The following AKT3 variants were observed in gnomAD, a reference collection of about 807,000 sequenced individuals.
AKT3 encodes the protein AKT serine/threonine kinase 3.
Under a neutral mutation model 65.3 loss-of-function variants are expected in AKT3, and 15 were observed. The ratio of observed to expected loss-of-function variants is 0.23; its 90% CI spans 0.15 to 0.35. The LOEUF is 0.35. Among genes scored for constraint, AKT3 ranks in the 10% least tolerant of loss-of-function variants. AKT3 has a pLI of 1.00. For missense variants in AKT3, 243 were observed against 576.5 expected, an observed-to-expected ratio of 0.42 and a Z score of 5.92; for synonymous variants, 206 against 183.8, an observed-to-expected ratio of 1.12 and a Z score of -0.98.
intron 12 of AKT3, among the ~76,000 whole-genome samples, chr1:243,536,235 C>T (rs1421898232): frequency 6.6e-6 from 1 of 151,778 alleles, no homozygotes; most frequent in Non-Finnish European, 1.5e-5. Context: ...TTAATTAAGC[C>T]CCATTTATTT....
Position 243,695,734 on chromosome 1 carries a change from GCA to G in AKT3, c.47-20_47-19del, listed in dbSNP as rs1558729404. On this transcript the variant is annotated intron_variant, in intron 2 of 13. Transcript: ENST00000673466. ...ATATTCTCCTACATGAGGAAAGCAC[GCA>G]TGTTAATGCTGAAAAAAATGAACAG... The G allele has an allele frequency of 1.3e-6, 2 of 1,555,832 alleles. No homozygotes were observed. The highest frequency in any genetic ancestry group is 2.4e-5 in the South Asian group (2 of 81,686).
At chr1:243,708,028 T>A (rs2148065438) in intron 2 of AKT3, among the ~76,000 whole-genome samples, 1 of 152,194 alleles carries the variant, frequency 6.6e-6, no homozygotes, top group South Asian at 2.1e-4. Flanking sequence ...CTTCAAATAA[T>A]TTTGAATACT....
intron 3 of AKT3, among the ~76,000 whole-genome samples, chr1:243,677,954 G>A (rs1683642526): frequency 6.6e-6 from 1 of 152,036 alleles, no homozygotes; most frequent in Non-Finnish European, 1.5e-5. Flanking sequence ...TGGGCGTGGT[G>A]GCGGGTGCCT....
At chr1:243,683,654 C>T (rs1420952423) in intron 3 of AKT3, among the ~76,000 whole-genome samples, 1 of 151,260 alleles carries the variant, frequency 6.6e-6, no homozygotes, top group Non-Finnish European at 1.5e-5. Flanking sequence ...TTGAGTGAGA[C>T]AGAAAGGGGG....
intron 2 of AKT3, among the ~76,000 whole-genome samples, chr1:243,733,019 C>T (rs1687650929): frequency 6.6e-6 from 1 of 152,188 alleles, no homozygotes; most frequent in African/African-American, 2.4e-5. Context: ...GTTAGAAGTA[C>T]TTTGAAACCA....
chr1:243,583,195 T>TACAC (rs59711065), intron 8 of AKT3, among the ~76,000 whole-genome samples: 34,061 of 85,820 alleles, frequency 0.4, 6,950 homozygotes, highest in Middle Eastern at 0.51. Flanking sequence ...TATATATATA[T>TACAC]ACACACACAC....
chr1:243,807,746 C>T (rs1270137366), intron 2 of AKT3, among the ~76,000 whole-genome samples: 4 of 152,172 alleles, frequency 2.6e-5, no homozygotes, highest in African/African-American at 9.7e-5. Context: ...TCAAGTGGGT[C>T]CCTGACCCCC....
intron 2 of AKT3, among the ~76,000 whole-genome samples, chr1:243,742,512 C>G (rs773346706): frequency 6.6e-6 from 1 of 152,074 alleles, no homozygotes; most frequent in Non-Finnish European, 1.5e-5. Flanking sequence ...GTAATTCCAG[C>G]TACTTGGGAG....
intron 8 of AKT3, among the ~76,000 whole-genome samples, chr1:243,596,169 T>C (rs1291371127): frequency 6.6e-6 from 1 of 152,174 alleles, no homozygotes; most frequent in Non-Finnish European, 1.5e-5. Flanking sequence ...AGGAGAAAGA[T>C]GTGTGACCTG....
intron 9 of AKT3, 40 bp from the exon 10 acceptor site, chr1:243,563,888 T>C (rs746976574): frequency 1.1e-5 from 17 of 1,558,198 alleles, no homozygotes; most frequent in Non-Finnish European, 1.2e-5. Context: ...TTCTATAGTC[T>C]TCAACAACAT....
chr1:243,734,800 ACT>A (rs1471523277), intron 2 of AKT3, among the ~76,000 whole-genome samples: 4 of 152,242 alleles, frequency 2.6e-5, no homozygotes, highest in Admixed American at 6.5e-5. Flanking sequence ...TAGCTTTTTG[ACT>A]CTTGCAGTAA....
chr1:243,713,684 C>A (rs1432395300), intron 2 of AKT3, among the ~76,000 whole-genome samples: 1 of 131,794 alleles, frequency 7.6e-6, no homozygotes, highest in Non-Finnish European at 1.6e-5. Context: ...ATAATAACTT[C>A]TTTGTGCTTC....
chr1:243,809,876 AACTC>A, intron 2 of AKT3, among the ~76,000 whole-genome samples: 1 of 152,362 alleles, frequency 6.6e-6, no homozygotes, highest in Non-Finnish European at 1.5e-5. Flanking sequence ...AGGATTAAGA[AACTC>A]ACTCAAAATC....
intron 2 of AKT3, among the ~76,000 whole-genome samples, chr1:243,835,911 C>T (rs1694863540): frequency 6.6e-6 from 1 of 151,780 alleles, no homozygotes; most frequent in South Asian, 2.1e-4. Context: ...TAAAATAAGA[C>T]ACATAAATAA....
chr1:243,724,200 A>G (rs997933741), intron 2 of AKT3, among the ~76,000 whole-genome samples: 2 of 152,074 alleles, frequency 1.3e-5, no homozygotes, highest in Non-Finnish European at 2.9e-5. Flanking sequence ...AACACCAAAC[A>G]AACAAGATAA....
chr1:243,490,719 C>T (rs985915988), intron 13 of AKT3, among the ~76,000 whole-genome samples: 2 of 152,214 alleles, frequency 1.3e-5, no homozygotes, highest in African/African-American at 4.8e-5. Context: ...TCCTTTCTCC[C>T]TCATCTTCAG....
intron 2 of AKT3, among the ~76,000 whole-genome samples, chr1:243,769,041 T>C (rs1472179506): frequency 6.6e-6 from 1 of 152,102 alleles, no homozygotes; most frequent in Non-Finnish European, 1.5e-5. Flanking sequence ...ATGAAACCAC[T>C]TTCTGTCCCT....
intron 12 of AKT3, among the ~76,000 whole-genome samples, chr1:243,540,670 C>T (rs1265146942): frequency 6.6e-6 from 1 of 152,076 alleles, no homozygotes; most frequent in Non-Finnish European, 1.5e-5. Context: ...TTCAATTTCA[C>T]CAGTTTTTCC....
chr1:243,686,945 G>A (rs910358112), intron 3 of AKT3, among the ~76,000 whole-genome samples: 8 of 151,586 alleles, frequency 5.3e-5, no homozygotes, highest in Non-Finnish European at 1.0e-4. Context: ...GATTACAGGC[G>A]TGAGCCACAC....
Sources: gnomAD v4.1 joint callset for allele counts (sites outside exome capture counted in the v4.1 genomes callset) on GRCh38, gnomAD v4.1.1 for gene constraint, MANE v1.5 for transcripts, NCBI Gene and HGNC (gene_info 2026-07-23, HGNC 2026-07-21) for gene names.